GRID2: variants seen among roughly 807,000 people sequenced by gnomAD.
GRID2 encodes the protein glutamate receptor ionotropic, delta-2.
Under a neutral mutation model 114.8 loss-of-function variants are expected in GRID2, and 33 were observed. The observed-to-expected ratio is 0.29, with a 90% confidence interval of 0.22 to 0.38. The LOEUF (loss-of-function observed/expected upper bound fraction) is 0.38, where lower values mean the gene tolerates loss of function less well. Ranked by LOEUF, GRID2 falls within the 10% of genes least tolerant of loss-of-function variation. The pLI is 1.00. For missense variants in GRID2, 1,184 were observed against 1,257.7 expected (o/e 0.94, Z 0.89); for synonymous variants, 505 against 449.9 (o/e 1.12, Z -1.55).
chr4:93,194,427 T>G (rs956340253), intron 4 of GRID2, among the ~76,000 whole-genome samples: 1 of 152,138 alleles, frequency 6.6e-6, no homozygotes, highest in Non-Finnish European at 1.5e-5. Context: ...GGCTTGAAAA[T>G]ATAGTATTTT....
At chr4:93,601,636 A>G (rs755119808) in intron 13 of GRID2, among the ~76,000 whole-genome samples, 28 of 152,188 alleles carry the variant, frequency 1.8e-4, no homozygotes, top group Admixed American at 3.9e-4. Context: ...CTTCTAAAAT[A>G]TTACTTGTAA....
At chr4:93,517,415 C>G (rs1342186377) in intron 13 of GRID2, among the ~76,000 whole-genome samples, 2 of 151,890 alleles carry the variant, frequency 1.3e-5, no homozygotes, top group Non-Finnish European at 2.9e-5. Flanking sequence ...ATTTATTATA[C>G]CATGTTGATT....
chr4:92,665,097 T>C (rs1732707372), intron 2 of GRID2, among the ~76,000 whole-genome samples: 1 of 151,020 alleles, frequency 6.6e-6, no homozygotes, highest in Non-Finnish European at 1.5e-5. Flanking sequence ...TATAAATTTT[T>C]TGTCCTGATT....
chr4:92,834,857 C>T (rs952489648), intron 2 of GRID2, among the ~76,000 whole-genome samples: 3 of 151,980 alleles, frequency 2.0e-5, no homozygotes, highest in African/African-American at 7.2e-5. Flanking sequence ...TGAAAAGACA[C>T]GTGCAGAATG....
chr4:92,571,506 T>C (rs1727621439), intron 1 of GRID2, among the ~76,000 whole-genome samples: 1 of 151,978 alleles, frequency 6.6e-6, no homozygotes, highest in South Asian at 2.1e-4. Flanking sequence ...TATCCAGGAA[T>C]TGAACTCAGC....
At chr4:93,258,927 G>A (rs1038059757) in intron 8 of GRID2, 3 of 455,498 alleles carry the variant, frequency 6.6e-6, no homozygotes, top group African/African-American at 6.0e-5. Flanking sequence ...GGCTCTACTG[G>A]GAAAATCTGG....
chr4:93,617,601 G>A (rs537787615), intron 13 of GRID2, among the ~76,000 whole-genome samples: 7 of 152,068 alleles, frequency 4.6e-5, no homozygotes, highest in Middle Eastern at 3.4e-3. Flanking sequence ...AGCGATATTC[G>A]GGTCATGCTG....
At position 92,855,086 on chromosome 4, in the gene GRID2, A is replaced by T. The variant is rs569294348; in HGVS notation, c.245-229909A>T. Among the ~76,000 whole-genome samples the T allele has an allele frequency of 7.9e-5, 12 of 152,216 alleles. No individual in the cohort carries two copies. In the South Asian group the frequency reaches 2.3e-3, roughly 29 times the overall value. On this transcript the variant is annotated intron_variant, in intron 2 of 15. Coordinates refer to ENST00000282020, the MANE Select transcript of GRID2 (RefSeq NM_001510.4). The stretch of plus-strand genomic sequence containing the variant: ...TATAAAAAGCCATTTTGAAACTATA[A>T]CCATACAGAATTAATTGTAAGCCTT...
chr4:92,801,415 G>T (rs1345853499), intron 2 of GRID2, among the ~76,000 whole-genome samples: 1 of 151,796 alleles, frequency 6.6e-6, no homozygotes, highest in Non-Finnish European at 1.5e-5. Flanking sequence ...AACCCTTTAC[G>T]CTTCTCTCTT....
At chr4:92,444,393 G>T (rs1403233614) in intron 1 of GRID2, among the ~76,000 whole-genome samples, 1 of 147,766 alleles carries the variant, frequency 6.8e-6, no homozygotes, top group African/African-American at 2.4e-5. Context: ...TCTCTGGCGG[G>T]CAGGAGTGGG....
chr4:93,339,499 G>A (rs1245848980), intron 8 of GRID2, among the ~76,000 whole-genome samples: 1 of 152,072 alleles, frequency 6.6e-6, no homozygotes, highest in Non-Finnish European at 1.5e-5. Context: ...GCAAGAAAGG[G>A]TTCCCCTGCA....
rs1722984795 is a variant in GRID2, at chr4:93,656,275, C to A, written c.2360+29840C>A. Among the ~76,000 whole-genome samples, 2 of 151,904 alleles carry A rather than the reference C, an allele frequency of 1.3e-5. 1 individual carries two copies. Among genetic ancestry groups the A allele is most frequent in the Admixed American group, 1.3e-4 (2 of 15,260 alleles). On this transcript the variant is annotated intron_variant, in intron 14 of 15. Coordinates refer to ENST00000282020, the MANE Select transcript of GRID2 (RefSeq NM_001510.4). ...TAAATGTATTTTGTCTAAGTGGGAA[C>A]TATTTAAATATTAAATAAATATTTT...
At chr4:93,262,388 A>G (rs1366057988) in intron 8 of GRID2, among the ~76,000 whole-genome samples, 1 of 151,934 alleles carries the variant, frequency 6.6e-6, no homozygotes, top group Non-Finnish European at 1.5e-5. Context: ...GTAAACCATA[A>G]ATGCCCAGGG....
chr4:93,630,508 TGGG>T (rs1743147079), intron 14 of GRID2, among the ~76,000 whole-genome samples: 1 of 152,170 alleles, frequency 6.6e-6, no homozygotes, highest in Non-Finnish European at 1.5e-5. Flanking sequence ...AAGTGGATAT[TGGG>T]AAAAATTCAT....
intron 4 of GRID2, among the ~76,000 whole-genome samples, chr4:93,165,077 T>C (rs1367733990): frequency 1.3e-5 from 2 of 152,046 alleles, no homozygotes; most frequent in East Asian, 3.9e-4. Context: ...CCTCATAGGA[T>C]TGTTGGGATA....
chr4:93,025,511 G>C (rs1723799424), intron 2 of GRID2, among the ~76,000 whole-genome samples: 2 of 151,744 alleles, frequency 1.3e-5, no homozygotes, highest in African/African-American at 4.8e-5. Flanking sequence ...GTCAATTGAT[G>C]ATGGTACAGA....
intron 2 of GRID2, among the ~76,000 whole-genome samples, chr4:92,769,689 G>C (rs935762010): frequency 5.3e-5 from 8 of 152,138 alleles, no homozygotes; most frequent in Admixed American, 5.2e-4. Flanking sequence ...GGCTGCCAAG[G>C]CTTGGGGCTT....
chr4:93,666,376 T>A (rs1723948975), intron 14 of GRID2, among the ~76,000 whole-genome samples: 1 of 152,026 alleles, frequency 6.6e-6, no homozygotes, highest in African/African-American at 2.4e-5. Context: ...GTAAATAATA[T>A]TCTATATGAT....
intron 14 of GRID2, among the ~76,000 whole-genome samples, chr4:93,628,768 T>C (rs1742966539): frequency 1.8e-5 from 1 of 55,984 alleles, no homozygotes; most frequent in Non-Finnish European, 2.7e-5. Flanking sequence ...ATTTTCTGGC[T>C]TTTTTTTTTT....
Sources: gnomAD v4.1 joint callset for allele counts (sites outside exome capture counted in the v4.1 genomes callset) on GRCh38, gnomAD v4.1.1 for gene constraint, MANE v1.5 for transcripts, NCBI Gene and HGNC (gene_info 2026-07-23, HGNC 2026-07-21) for gene names.